The following ADAMTS3 variants were observed in gnomAD, a reference collection of about 807,000 sequenced individuals.
ADAMTS3 encodes the protein ADAM metallopeptidase with thrombospondin type 1 motif 3.
A neutral mutation model predicts 129.0 loss-of-function variants in ADAMTS3; 73 were observed. The observed-to-expected ratio is 0.57, with a 90% confidence interval of 0.47 to 0.69. The LOEUF (loss-of-function observed/expected upper bound fraction) is 0.69. ADAMTS3 is among the 30% of genes least tolerant of loss of function. The pLI is 0.00. For synonymous variants in ADAMTS3, 477 were observed against 510.8 expected, an observed-to-expected ratio of 0.93 and a Z score of 0.89; for missense variants, 1,457 against 1,514.5, an observed-to-expected ratio of 0.96 and a Z score of 0.63.
chr4:72,425,947 T>A (rs1037470336), intron 3 of ADAMTS3, among the ~76,000 whole-genome samples: 1 of 151,982 alleles, frequency 6.6e-6, no homozygotes, highest in Non-Finnish European at 1.5e-5. Flanking sequence ...TACAGTCCCA[T>A]CAACAGTGTA....
chr4:72,361,012 T>C (rs1474308811), intron 4 of ADAMTS3, among the ~76,000 whole-genome samples: 1 of 152,116 alleles, frequency 6.6e-6, no homozygotes, highest in Non-Finnish European at 1.5e-5. Context: ...AGGAACTCTT[T>C]CGGGGTTATC....
In ADAMTS3 at chr4:72,283,415, A is replaced by G. The variant is rs1560457039; in HGVS notation, c.3339T>C (p.Asn1113=). ...LSSISSVGGP[N]AYAAFRPNSK... ...TGTTTGGCCTGAAAGCAGCATATGC[A>G]TTTGGACCTCCCACTGAAGAGATGC... Residue 1113 remains asparagine, a synonymous_variant, in exon 22 of 22, where the codon AAT becomes AAC. Coordinates refer to ENST00000286657, the MANE Select transcript of ADAMTS3 (RefSeq NM_014243.3). The G allele has an allele frequency of 6.2e-7, 1 of 1,614,040 alleles. No homozygotes were observed. The highest frequency in any genetic ancestry group is 1.1e-5 in the South Asian group (1 of 91,082).
At chr4:72,388,354 A>G (rs1721499909) in intron 4 of ADAMTS3, among the ~76,000 whole-genome samples, 1 of 152,214 alleles carries the variant, frequency 6.6e-6, no homozygotes, top group Admixed American at 6.5e-5. Flanking sequence ...ATGCAGTTTA[A>G]AAGTACCACT....
At position 72,305,967 on chromosome 4, in the gene ADAMTS3, C is replaced by G. The variant is rs753403916; in HGVS notation, c.2260+20G>C. 121 of 1,597,376 alleles carry G rather than the reference C, an allele frequency of 7.6e-5. No homozygotes were observed. Among genetic ancestry groups the G allele is most frequent in the Non-Finnish European group, 9.9e-5 (116 of 1,167,954 alleles). On this transcript the variant is annotated intron_variant, in intron 16 of 21. Coordinates refer to ENST00000286657, the MANE Select transcript of ADAMTS3 (RefSeq NM_014243.3). Reference sequence around the variant, plus strand: ...GTTTCAGTGCATGTTAAAGCAGAGACAGCAGACAGAAACACTTACCAAGAA... The same window carrying G: ...GTTTCAGTGCATGTTAAAGCAGAGAGAGCAGACAGAAACACTTACCAAGAA...
At chr4:72,331,743 CT>C (rs905820629) in intron 5 of ADAMTS3, among the ~76,000 whole-genome samples, 4 of 152,080 alleles carry the variant, frequency 2.6e-5, no homozygotes, top group Non-Finnish European at 5.9e-5. Flanking sequence ...CCTATCTCCC[CT>C]TTTTCTAGCA....
At chr4:72,304,169 A>T in intron 16 of ADAMTS3, 89 bp from the exon 17 acceptor site, 1 of 1,251,346 alleles carries the variant, frequency 8.0e-7, no homozygotes, top group Non-Finnish European at 1.1e-6. Flanking sequence ...CTTTCTACAA[A>T]TCAATGACCA....
intron 3 of ADAMTS3, among the ~76,000 whole-genome samples, chr4:72,547,905 C>G (rs1290418908): frequency 3.9e-5 from 6 of 152,110 alleles, no homozygotes; most frequent in African/African-American, 1.4e-4. Flanking sequence ...AACTGAAAAG[C>G]AACATATGGG....
rs1462658572 is a variant in ADAMTS3, at chr4:72,288,947, C to CACACAT, written c.2932-80_2932-79insATGTGT. 1.7e-4 allele frequency: 128 copies of CACACAT among 747,742 alleles called. No individual in the cohort carries two copies. The East Asian group carries it at 3.3e-3, about 19-fold the overall frequency. 46.3% of individuals were successfully genotyped at this position (747,742 alleles called of 1,614,324 possible). ...ATACACACACACACACACACACACACACACACACACACACACACACAAAGA... is the reference window on the plus strand; with the variant it reads ...ATACACACACACACACACACACACACACACATACACACACACACACACACACAAAGA... On this transcript the variant is annotated intron_variant, in intron 20 of 21. Coordinates refer to ENST00000286657, the MANE Select transcript of ADAMTS3 (RefSeq NM_014243.3).
chr4:72,308,166 T>C (rs1243024072), intron 15 of ADAMTS3, among the ~76,000 whole-genome samples: 1 of 152,026 alleles, frequency 6.6e-6, no homozygotes, highest in Admixed American at 6.6e-5. Context: ...TCCACTGAAA[T>C]ATAATACACG....
intron 4 of ADAMTS3, among the ~76,000 whole-genome samples, chr4:72,390,091 A>G (rs1464966513): frequency 6.6e-6 from 1 of 152,156 alleles, no homozygotes; most frequent in Non-Finnish European, 1.5e-5. Context: ...TTCCAGCACT[A>G]ATTCAGGTAT....
At chr4:72,533,359 C>T (rs1246575138) in intron 3 of ADAMTS3, among the ~76,000 whole-genome samples, 7 of 152,070 alleles carry the variant, frequency 4.6e-5, no homozygotes, top group African/African-American at 9.7e-5. Flanking sequence ...ATAACATGCA[C>T]GGAGCTGTCA....
At chr4:72,439,732 T>C (rs1434235149) in intron 3 of ADAMTS3, among the ~76,000 whole-genome samples, 2 of 151,798 alleles carry the variant, frequency 1.3e-5, no homozygotes, top group African/African-American at 4.8e-5. Context: ...TCTTGCCATC[T>C]TTCTCACAAA....
chr4:72,374,116 C>A (rs1048669168), intron 4 of ADAMTS3, among the ~76,000 whole-genome samples: 2 of 151,788 alleles, frequency 1.3e-5, no homozygotes, highest in African/African-American at 4.8e-5. Flanking sequence ...TCTTCATTTC[C>A]CCAGACAGAA....
rs78613730 is a variant in ADAMTS3 at position 72,364,612 on chromosome 4, T to TA, written c.662-24920dup. 3.5e-3 allele frequency among the ~76,000 whole-genome samples: 490 copies of TA among 139,214 alleles called. 4 individuals carry two copies. Among genetic ancestry groups the TA allele is most frequent in the African/African-American group, 1.0e-2 (380 of 38,178 alleles). The allele number at this position is 139,214 out of a possible 152,430, so 91.3% of individuals were successfully genotyped here. ...CTGGGTGATAGAGCAAGACTCCGTT[T>TA]AAAAAAAAAAAAAAATCAATAAATG... On this transcript the variant is annotated intron_variant, in intron 4 of 21. Coordinates refer to ENST00000286657, the MANE Select transcript of ADAMTS3 (RefSeq NM_014243.3).
intron 3 of ADAMTS3, among the ~76,000 whole-genome samples, chr4:72,461,347 C>T (rs76478351): frequency 0.01 from 1,561 of 151,762 alleles, 17 homozygotes; most frequent in South Asian, 0.032. Context: ...GTTCACTAAT[C>T]CATTATTACT....
intron 3 of ADAMTS3, among the ~76,000 whole-genome samples, chr4:72,481,333 T>C (rs1480369092): frequency 2.0e-5 from 3 of 152,182 alleles, no homozygotes; most frequent in Admixed American, 6.5e-5. Flanking sequence ...TTGTGTCATA[T>C]TGGTGAAGGG....
chr4:72,389,302 G>A (rs1461004025), intron 4 of ADAMTS3, among the ~76,000 whole-genome samples: 1 of 152,032 alleles, frequency 6.6e-6, no homozygotes, highest in East Asian at 1.9e-4. Flanking sequence ...AAATTCAGAA[G>A]AATAATCTGT....
intron 3 of ADAMTS3, among the ~76,000 whole-genome samples, chr4:72,457,588 T>C (rs1223809610): frequency 6.6e-6 from 1 of 151,678 alleles, no homozygotes; most frequent in African/African-American, 2.4e-5. Flanking sequence ...CAAACATTTA[T>C]TGAGGACTTG....
intron 10 of ADAMTS3, among the ~76,000 whole-genome samples, chr4:72,317,646 T>C (rs1020198462): frequency 3.9e-5 from 6 of 152,140 alleles, no homozygotes; most frequent in African/African-American, 1.4e-4. Context: ...CTCACACCAA[T>C]CTTATCAGAT....
Sources: gnomAD v4.1 joint callset for allele counts (sites outside exome capture counted in the v4.1 genomes callset) on GRCh38, gnomAD v4.1.1 for gene constraint, MANE v1.5 for transcripts, NCBI Gene and HGNC (gene_info 2026-07-23, HGNC 2026-07-21) for gene names.